EFNB2: variants seen among roughly 807,000 people sequenced by gnomAD.
The protein encoded by EFNB2 is ephrin B2.
A neutral mutation model predicts 32.1 loss-of-function variants in EFNB2; 5 were observed. The ratio of observed to expected loss-of-function variants is 0.16; its 90% confidence interval spans 0.08 to 0.33. The LOEUF (loss-of-function observed/expected upper bound fraction) is 0.33, where lower values mean the gene tolerates loss of function less well. EFNB2 is among the 10% of genes least tolerant of loss of function. EFNB2 has a pLI of 1.00. For synonymous variants in EFNB2, 168 were observed against 166.5 expected, an observed-to-expected ratio of 1.01 and a Z score of -0.07; for missense variants, 263 against 422.6, an observed-to-expected ratio of 0.62 and a Z score of 3.31.
intron 1 of EFNB2, among the ~76,000 whole-genome samples, chr13:106,532,084 C>T (rs1204929281): frequency 1.0e-4 from 13 of 129,426 alleles, no homozygotes; most frequent in African/African-American, 2.6e-4. Flanking sequence ...AAAACCAAAA[C>T]TTTAAACAAC....
intron 1 of EFNB2, among the ~76,000 whole-genome samples, chr13:106,530,699 G>A (rs941487825): frequency 2.0e-5 from 3 of 152,068 alleles, no homozygotes; most frequent in African/African-American, 4.8e-5. Flanking sequence ...CTGCAGTCAC[G>A]CTGGGATCTC....
chr13:106,529,770 C>A lies in EFNB2; in HGVS notation c.122+5073G>T, dbSNP rs187223733. 2.1e-4 allele frequency among the ~76,000 whole-genome samples: 32 copies of A among 152,278 alleles called. 1 individual carries two copies. Among genetic ancestry groups the A allele is most frequent in the Admixed American group, 2.0e-3 (30 of 15,298 alleles). The stretch of plus-strand genomic sequence containing the variant: ...AAGACAGAAAATGGTGGTTTTATTG[C>A]CATACAATCAGATTACTGCTGCTAG... On this transcript the variant is annotated intron_variant, in intron 1 of 4. Transcript: ENST00000646441.
chr13:106,535,150 G>A lies in EFNB2; in HGVS notation c.-186C>T, dbSNP rs1287666813. 2.2e-6 allele frequency: 1 copy of A among 454,116 alleles called. No homozygotes were observed. Among genetic ancestry groups the A allele is most frequent in the East Asian group, 7.6e-5 (1 of 13,198 alleles). 28.1% of individuals were successfully genotyped at this position (454,116 alleles called of 1,614,324 possible). ...GTGCGCTCGCTCTCCGGGGCCCTCAGGGCGCGGGGCGGGAGCGCACGCGCG... is the reference window on the plus strand; with the variant it reads ...GTGCGCTCGCTCTCCGGGGCCCTCAAGGCGCGGGGCGGGAGCGCACGCGCG... On this transcript the variant is annotated 5_prime_UTR_variant, in exon 1 of 5. Transcript: ENST00000646441.
chr13:106,533,847 G>C (rs957143309), intron 1 of EFNB2, among the ~76,000 whole-genome samples: 4 of 152,116 alleles, frequency 2.6e-5, no homozygotes, highest in Admixed American at 2.6e-4. Flanking sequence ...TCGAAATAAG[G>C]GGATACACAG....
At chr13:106,496,165 C>T (rs767280207) in intron 2 of EFNB2, among the ~76,000 whole-genome samples, 15 of 152,158 alleles carry the variant, frequency 9.9e-5, no homozygotes, top group Non-Finnish European at 2.1e-4. Context: ...AGTCTATGGA[C>T]TCTTTTGGGG....
intron 1 of EFNB2, chr13:106,517,663 A>T (rs1879357972): frequency 6.6e-6 from 1 of 152,272 alleles, no homozygotes; most frequent in Non-Finnish European, 1.5e-5. Context: ...AGAGTGAGGC[A>T]TACTGAGTGG....
At position 106,493,746 on chromosome 13, in the gene EFNB2, G is replaced by A. The variant is rs1019996876; in HGVS notation, c.614-318C>T. ...CCCGTGTCAGCCAGCCTGGGGCAGC[G>A]GCAGGGAAGAAAAAGGGAAGTGGCC... On this transcript the variant is annotated intron_variant, in intron 4 of 4. Coordinates refer to ENST00000646441, the MANE Select transcript of EFNB2 (RefSeq NM_004093.4). The surrounding 1 kb of genome is among the most constrained non-coding windows in gnomAD (Gnocchi z 6.1). 6.6e-6 allele frequency among the ~76,000 whole-genome samples: 1 copy of A among 152,180 alleles called. No homozygotes were observed. The highest frequency in any genetic ancestry group is 6.5e-5 in the Admixed American group (1 of 15,280).
chr13:106,527,678 G>T (rs900349707), intron 1 of EFNB2, among the ~76,000 whole-genome samples: 1 of 152,174 alleles, frequency 6.6e-6, no homozygotes, highest in Non-Finnish European at 1.5e-5. Flanking sequence ...AAATAGGTTC[G>T]CCTGGCATTC....
chr13:106,499,587 G>GA (rs1462081058), intron 2 of EFNB2, among the ~76,000 whole-genome samples: 1 of 152,098 alleles, frequency 6.6e-6, no homozygotes, highest in Non-Finnish European at 1.5e-5. Context: ...CTATCAGCGT[G>GA]ATCTAATGCA....
intron 2 of EFNB2, among the ~76,000 whole-genome samples, chr13:106,497,825 T>G (rs1180589312): frequency 6.6e-6 from 1 of 152,192 alleles, no homozygotes; most frequent in East Asian, 1.9e-4. Flanking sequence ...AACTATGAGT[T>G]TCTATGAGCA....
intron 2 of EFNB2, chr13:106,510,343 A>G (rs563705042): frequency 1.9e-4 from 29 of 152,390 alleles, no homozygotes; most frequent in African/African-American, 6.5e-4. Flanking sequence ...ATGTTGGTAA[A>G]CAATTATTTG....
intron 2 of EFNB2, among the ~76,000 whole-genome samples, chr13:106,504,269 G>C (rs188952285): frequency 1.3e-5 from 2 of 152,344 alleles, no homozygotes; most frequent in East Asian, 3.9e-4. Flanking sequence ...TGCGAGACGA[G>C]TGGCACTGAA....
At chr13:106,532,433 T>C (rs1422494701) in intron 1 of EFNB2, among the ~76,000 whole-genome samples, 1 of 152,214 alleles carries the variant, frequency 6.6e-6, no homozygotes, top group Non-Finnish European at 1.5e-5. Context: ...TTCAATGCAT[T>C]TGATTACCTT....
rs909729160 is a variant in EFNB2 at position 106,493,851 on chromosome 13, T to C, written c.614-423A>G. 1.6e-4 allele frequency among the ~76,000 whole-genome samples: 24 copies of C among 152,202 alleles called. No homozygotes were observed. Among genetic ancestry groups the C allele is most frequent in the African/African-American group, 5.1e-4 (21 of 41,452 alleles). On this transcript the variant is annotated intron_variant, in intron 4 of 4. Coordinates refer to ENST00000646441, the MANE Select transcript of EFNB2 (RefSeq NM_004093.4). The surrounding 1 kb of genome is among the most constrained non-coding windows in gnomAD (Gnocchi z 6.1). ...GAGAAAGGGAGTTTCATGCAAACCTTCAAAGGGCCTGCCTTCTAAAGAAGA... is the reference window on the plus strand; with the variant it reads ...GAGAAAGGGAGTTTCATGCAAACCTCCAAAGGGCCTGCCTTCTAAAGAAGA...
chr13:106,535,334 G>T lies in EFNB2; in HGVS notation c.-370C>A. The T allele has an allele frequency of 6.6e-6, 1 of 151,132 alleles. No individual in the cohort carries two copies. The highest frequency in any genetic ancestry group is 1.9e-4 in the South Asian group (1 of 5,274). 9.4% of individuals were successfully genotyped at this position (151,132 alleles called of 1,614,324 possible). Reference sequence around the variant, plus strand: ...GGACACAAAGACCCGGAGCGGAGACGACCGGCGCGGGCGGCGGGCGCTGCG... The same window carrying T: ...GGACACAAAGACCCGGAGCGGAGACTACCGGCGCGGGCGGCGGGCGCTGCG... On this transcript the variant is annotated 5_prime_UTR_variant, in exon 1 of 5. Transcript: ENST00000646441.
intron 1 of EFNB2, among the ~76,000 whole-genome samples, chr13:106,522,035 GTCTT>G (rs1879538392): frequency 6.6e-6 from 1 of 150,728 alleles, no homozygotes; most frequent in African/African-American, 2.4e-5. Context: ...AAAAATGCAG[GTCTT>G]TATTTACCAA....
intron 1 of EFNB2, among the ~76,000 whole-genome samples, chr13:106,530,709 C>T (rs368920677): frequency 6.6e-6 from 1 of 152,148 alleles, no homozygotes; most frequent in Non-Finnish European, 1.5e-5. Context: ...GCTGGGATCT[C>T]GAATAGTTTC....
intron 1 of EFNB2, among the ~76,000 whole-genome samples, chr13:106,527,006 C>T (rs2138942269): frequency 6.6e-6 from 1 of 152,228 alleles, no homozygotes; most frequent in South Asian, 2.1e-4. Context: ...AAACACACAT[C>T]CACCCCTGCC....
At chr13:106,499,852 A>C (rs1428638680) in intron 2 of EFNB2, among the ~76,000 whole-genome samples, 2 of 152,230 alleles carry the variant, frequency 1.3e-5, no homozygotes, top group African/African-American at 2.4e-5. Context: ...AACTGCATGT[A>C]GTAAGTATAT....
Sources: allele counts gnomAD v4.1 joint callset (sites outside exome capture counted in the v4.1 genomes callset), GRCh38; gene constraint gnomAD v4.1.1; non-coding constraint Gnocchi (gnomAD v3.1); transcripts MANE v1.5; gene names NCBI Gene and HGNC (gene_info 2026-07-23, HGNC 2026-07-21).